The following GALNT13 variants were observed in gnomAD, a reference collection of about 807,000 sequenced individuals.
GALNT13 encodes the protein polypeptide N-acetylgalactosaminyltransferase 13, also known as UDP-GalNAc:polypeptide N-acetylgalactosaminyltransferase 13.
Under a neutral mutation model 64.2 loss-of-function variants are expected in GALNT13, and 28 were observed. That is an observed-to-expected ratio of 0.44 (90% confidence interval 0.32 to 0.60). The LOEUF is 0.60. GALNT13 is among the 20% of genes least tolerant of loss of function. GALNT13 has a pLI of 0.05. For synonymous variants in GALNT13, 214 were observed against 224.6 expected (o/e 0.95, Z 0.42); for missense variants, 577 against 669.8 (o/e 0.86, Z 1.53).
the GALNT13 span, among the ~76,000 whole-genome samples, chr2:153,257,182 A>T: frequency 1.3e-5 from 2 of 152,178 alleles, no homozygotes. Flanking sequence ...CCGTCGGAAA[A>T]GCGCAGTATT....
the GALNT13 span, among the ~76,000 whole-genome samples, chr2:153,611,766 G>A: frequency 2.8e-5 from 4 of 140,820 alleles, no homozygotes; most frequent in Non-Finnish European, 6.0e-5. Flanking sequence ...GTATACATGT[G>A]CCATGGTGGT....
the GALNT13 span, among the ~76,000 whole-genome samples, chr2:153,819,845 T>G: frequency 6.6e-6 from 1 of 152,274 alleles, no homozygotes; most frequent in African/African-American, 2.4e-5. Flanking sequence ...TATGTTATCA[T>G]GAAGAATCTG....
At chr2:153,341,621 C>T in the GALNT13 span, among the ~76,000 whole-genome samples, 6 of 152,168 alleles carry the variant, frequency 3.9e-5, no homozygotes, top group African/African-American at 9.7e-5. Context: ...CAAAATTGAA[C>T]GCTCTCAATA....
intron 12 of GALNT13, chr2:154,445,672 C>T: frequency 2.8e-6 from 1 of 354,068 alleles, no homozygotes; most frequent in Non-Finnish European, 5.0e-6. Flanking sequence ...TACTATTTTA[C>T]TGTGGAAGAT....
chr2:154,018,764 G>T (rs1478834919), intron 3 of GALNT13, among the ~76,000 whole-genome samples: 2 of 151,432 alleles, frequency 1.3e-5, no homozygotes, highest in Non-Finnish European at 2.9e-5. Context: ...GGGAGAAAGA[G>T]AATGAGAGAG....
chr2:154,311,907 G>A (rs566070311), intron 9 of GALNT13, among the ~76,000 whole-genome samples: 3 of 152,264 alleles, frequency 2.0e-5, no homozygotes, highest in East Asian at 1.9e-4. Context: ...CTCACCAGGC[G>A]GTCAGAGTTT....
intron 3 of GALNT13, among the ~76,000 whole-genome samples, chr2:154,111,087 A>G (rs1466544838): frequency 2.9e-5 from 4 of 137,372 alleles, no homozygotes; most frequent in African/African-American, 1.2e-4. Context: ...GGAAATACTC[A>G]TGACAATTCC....
At chr2:154,149,102 G>C (rs988230331) in intron 4 of GALNT13, among the ~76,000 whole-genome samples, 1 of 152,114 alleles carries the variant, frequency 6.6e-6, no homozygotes, top group Non-Finnish European at 1.5e-5. Context: ...ATTAATTTTT[G>C]TATAAGGTGT....
intron 2 of GALNT13, among the ~76,000 whole-genome samples, chr2:153,935,026 A>G (rs1276609001): frequency 2.0e-5 from 3 of 152,148 alleles, no homozygotes; most frequent in East Asian, 1.9e-4. Flanking sequence ...GGTCAGATGT[A>G]TTTAGTTTTT....
chr2:153,677,905 ATAAAACT>A, the GALNT13 span, among the ~76,000 whole-genome samples: 1 of 152,078 alleles, frequency 6.6e-6, no homozygotes, highest in Non-Finnish European at 1.5e-5. Context: ...AGCCTTAAAC[ATAAAACT>A]TAAAACCATA....
At chr2:153,375,367 G>A in the GALNT13 span, among the ~76,000 whole-genome samples, 2 of 152,044 alleles carry the variant, frequency 1.3e-5, no homozygotes, top group African/African-American at 4.8e-5. Context: ...CGGATAAATG[G>A]CATCTTTAGG....
intron 4 of GALNT13, among the ~76,000 whole-genome samples, chr2:154,152,125 G>A (rs1684073107): frequency 6.6e-6 from 1 of 152,108 alleles, no homozygotes; most frequent in Non-Finnish European, 1.5e-5. Context: ...GGGCAGGCCT[G>A]GTGGTGACAA....
chr2:153,735,673 T>A, the GALNT13 span, among the ~76,000 whole-genome samples: 1 of 152,182 alleles, frequency 6.6e-6, no homozygotes, highest in Non-Finnish European at 1.5e-5. Context: ...GCTCCTTCAA[T>A]CTAGAAGGTA....
chr2:153,614,859 G>A, the GALNT13 span, among the ~76,000 whole-genome samples: 1 of 152,008 alleles, frequency 6.6e-6, no homozygotes, highest in African/African-American at 2.4e-5. Context: ...ATCCCCTCAA[G>A]CACTTATCCT....
the GALNT13 span, among the ~76,000 whole-genome samples, chr2:153,275,743 G>T: frequency 6.6e-6 from 1 of 151,796 alleles, no homozygotes; most frequent in Non-Finnish European, 1.5e-5. Context: ...GTTTGTTCTA[G>T]TTTTTTTGCC....
chr2:153,263,941 G>T, the GALNT13 span, among the ~76,000 whole-genome samples: 1 of 152,086 alleles, frequency 6.6e-6, no homozygotes, highest in Non-Finnish European at 1.5e-5. Flanking sequence ...GCAAAAATTG[G>T]CAGATGAGAT....
rs1390902509 is a variant in GALNT13 at position 154,245,937 on chromosome 2, A to C, written c.812A>C (p.Gln271Pro). 2 of 1,613,400 alleles carry C rather than the reference A, an allele frequency of 1.2e-6. No homozygotes were observed. Among genetic ancestry groups the C allele is most frequent in the Non-Finnish European group, 1.7e-6 (2 of 1,179,502 alleles). Residue 271 changes from glutamine to proline, a missense_variant, in exon 7 of 13, where the codon CAA becomes CCA. Gln to Pro is a moderately conservative substitution (Grantham distance 76). Transcript: ENST00000392825. ...KLNFRWYPVP[Q>P]REMDRRKGDR... ...AATTTCCGCTGGTATCCTGTTCCCC[A>C]AAGAGAAATGGACAGGAGGAAAGGA...
At chr2:153,198,671 T>G in the GALNT13 span, among the ~76,000 whole-genome samples, 1 of 152,256 alleles carries the variant, frequency 6.6e-6, no homozygotes, top group Non-Finnish European at 1.5e-5. Context: ...ATTACCTTCC[T>G]CACTCTTTTG....
At chr2:154,036,356 A>G (rs948925002) in intron 3 of GALNT13, among the ~76,000 whole-genome samples, 6 of 152,108 alleles carry the variant, frequency 3.9e-5, no homozygotes, top group African/African-American at 1.2e-4. Context: ...AGATACTATC[A>G]CAGTAAATGC....
Sources: allele counts gnomAD v4.1 joint callset (sites outside exome capture counted in the v4.1 genomes callset), GRCh38; gene constraint gnomAD v4.1.1; transcripts MANE v1.5; gene names NCBI Gene and HGNC (gene_info 2026-07-23, HGNC 2026-07-21).